DCDC2C: variants seen among roughly 807,000 people sequenced by gnomAD.
DCDC2C encodes the protein doublecortin domain containing 2C.
Under a neutral mutation model 45.0 loss-of-function variants are expected in DCDC2C, and 44 were observed. The observed-to-expected ratio is 0.98, with a 90% CI of 0.77 to 1.26. DCDC2C has a LOEUF of 1.26. DCDC2C is among the 50% of genes most tolerant of loss of function. The probability of loss-of-function intolerance (pLI) is 0.00; values close to 1 mark genes in which losing one functional copy is unlikely to be tolerated. For missense variants in DCDC2C, 447 were observed against 468.9 expected, an observed-to-expected ratio of 0.95 and a Z score of 0.43; for synonymous variants, 187 against 178.8, an observed-to-expected ratio of 1.05 and a Z score of -0.37.
At chr2:3,725,700 G>GGAAGACGAGCAGAGAGGGAGGA (rs1668646225) in intron 2 of DCDC2C, among the ~76,000 whole-genome samples, 4 of 151,166 alleles carry the variant, frequency 2.6e-5, no homozygotes, top group Non-Finnish European at 4.4e-5. Flanking sequence ...GGATCCCAGA[G>GGAAGACGAGCAGAGAGGGAGGA]GGAGATGAGC....
Position 3,818,513 on chromosome 2 carries a change from T to C in DCDC2C, c.1066-28641T>C, listed in dbSNP as rs150257988. Among the ~76,000 whole-genome samples the C allele has an allele frequency of 0.011, 1,640 of 152,234 alleles. 39 individuals carry two copies. Among genetic ancestry groups the C allele is most frequent in the African/African-American group, 0.037 (1,534 of 41,528 alleles). On this transcript the variant is annotated intron_variant, in intron 10 of 10. Transcript: ENST00000399143. The surrounding 1 kb of genome is among the most constrained non-coding windows in gnomAD (Gnocchi z 4.7). ...ATAAGGGGCAGATCCTGAACTAACA[T>C]GTAAGGCTTGTCCAGTTTTTGGACA...
rs1558573339 is a variant in DCDC2C at position 3,742,096 on chromosome 2, T to C, written c.545+48T>C. ...GACAGCCAGGGGGCGGCAGCTTGTG[T>C]TTATTCTTTCTATGAGAGTTTTCTG... On this transcript the variant is annotated intron_variant, in intron 4 of 10. Coordinates refer to ENST00000399143, the MANE Select transcript of DCDC2C (RefSeq NM_001287444.2). 8 of 1,475,984 alleles carry C rather than the reference T, an allele frequency of 5.4e-6. No homozygotes were observed. The South Asian group carries it at 1.1e-4, about 21-fold the overall frequency. The allele number at this position is 1,475,984 out of a possible 1,614,324, so 91.4% of individuals were successfully genotyped here.
intron 6 of DCDC2C, among the ~76,000 whole-genome samples, chr2:3,760,845 TAA>T (rs11385914): frequency 1.3e-5 from 2 of 149,750 alleles, no homozygotes; most frequent in East Asian, 3.9e-4. Context: ...TAAAGTAAAA[TAA>T]AAAAAAAGCC....
intron 10 of DCDC2C, among the ~76,000 whole-genome samples, chr2:3,821,868 C>T (rs1270712540): frequency 6.6e-6 from 1 of 152,164 alleles, no homozygotes; most frequent in Non-Finnish European, 1.5e-5. Context: ...CAAAATGACC[C>T]TTTAGAAGTA....
intron 8 of DCDC2C, 29 bp downstream of exon 8, chr2:3,769,440 C>T (rs779837845): frequency 4.1e-5 from 63 of 1,535,396 alleles, no homozygotes; most frequent in Middle Eastern, 1.7e-4. Context: ...ATGTCCATGC[C>T]GTCTTCACTC....
At chr2:3,739,495 A>T (rs1400021677) in intron 3 of DCDC2C, among the ~76,000 whole-genome samples, 1 of 152,220 alleles carries the variant, frequency 6.6e-6, no homozygotes, top group Non-Finnish European at 1.5e-5. Context: ...GCGGAGGAAC[A>T]CACAAGTGGC....
At chr2:3,739,423 A>G (rs1051368280) in intron 3 of DCDC2C, among the ~76,000 whole-genome samples, 11 of 152,130 alleles carry the variant, frequency 7.2e-5, no homozygotes, top group African/African-American at 2.7e-4. Flanking sequence ...CTGTGCCTAT[A>G]AAAGCTTGAG....
rs572418943 is a variant in DCDC2C at position 3,761,655 on chromosome 2, A to G, written c.727-6099A>G. ...TAAATGTTCAAAGCAGGCCTGGTTC[A>G]TTGGTAGAAGACCTTGACCCACTTG... On this transcript the variant is annotated intron_variant, in intron 6 of 10. Transcript: ENST00000399143. This position sits in a 1 kb window ranked among gnomAD's most constrained non-coding sequence, Gnocchi z 4.3. 6.6e-6 allele frequency among the ~76,000 whole-genome samples: 1 copy of G among 152,334 alleles called. No homozygotes were observed. Among genetic ancestry groups the G allele is most frequent in the South Asian group, 2.1e-4 (1 of 4,824 alleles).
intron 10 of DCDC2C, among the ~76,000 whole-genome samples, chr2:3,837,620 G>GAATACAGTATCAAGAGAGGC (rs1672113253): frequency 9.8e-6 from 1 of 102,382 alleles, no homozygotes. Flanking sequence ...AAGAAACTGA[G>GAATACAGTATCAAGAGAGGC]GAAGAAATCA....
intron 9 of DCDC2C, among the ~76,000 whole-genome samples, chr2:3,784,285 A>G (rs1449755244): frequency 1.3e-5 from 2 of 152,202 alleles, no homozygotes; most frequent in African/African-American, 4.8e-5. Context: ...GTATAAATCA[A>G]TGCAGCCCTT....
At position 3,796,448 on chromosome 2, in the gene DCDC2C, G is replaced by T. The variant is rs556734396; in HGVS notation, c.1065+11348G>T. 1.7e-3 allele frequency among the ~76,000 whole-genome samples: 198 copies of T among 114,968 alleles called. 19 individuals carry two copies. The highest frequency in any genetic ancestry group is 5.7e-3 in the African/African-American group (156 of 27,326). The allele number at this position is 114,968 out of a possible 152,430, so 75.4% of individuals were successfully genotyped here. ...GAGAGGGCATCCCTGTCTTGTGCCA[G>T]TTTTCAAAGGGAATGCTCCCAGTTT... is the stretch of plus-strand genomic sequence containing the variant. On this transcript the variant is annotated intron_variant, in intron 10 of 10. Coordinates refer to ENST00000399143, the MANE Select transcript of DCDC2C (RefSeq NM_001287444.2).
At chr2:3,821,786 G>T in intron 10 of DCDC2C, among the ~76,000 whole-genome samples, 1 of 152,182 alleles carries the variant, frequency 6.6e-6, no homozygotes, top group East Asian at 1.9e-4. Flanking sequence ...TCCTTTAATT[G>T]AAGAAAGGTA....
chr2:3,845,677 G>T (rs1007906852), intron 10 of DCDC2C, among the ~76,000 whole-genome samples: 1 of 150,726 alleles, frequency 6.6e-6, no homozygotes, highest in Non-Finnish European at 1.5e-5. Context: ...CTTTGATTTG[G>T]CTCCATTCTA....
intron 10 of DCDC2C, among the ~76,000 whole-genome samples, chr2:3,800,050 G>C (rs1671074357): frequency 6.6e-6 from 1 of 152,242 alleles, no homozygotes; most frequent in Non-Finnish European, 1.5e-5. Context: ...TCCGAGCCAG[G>C]TGCGGGATAT....
intron 1 of DCDC2C, among the ~76,000 whole-genome samples, chr2:3,706,890 C>T (rs1668077283): frequency 7.9e-5 from 12 of 152,234 alleles, no homozygotes; most frequent in Admixed American, 7.9e-4. Context: ...GAAATAACCT[C>T]TCCAAGACTT....
At chr2:3,755,708 G>A (rs1669692126) in intron 6 of DCDC2C, among the ~76,000 whole-genome samples, 1 of 151,920 alleles carries the variant, frequency 6.6e-6, no homozygotes, top group Admixed American at 6.6e-5. Flanking sequence ...TATGTTGTAT[G>A]GATATGTTGC....
Position 3,703,578 on chromosome 2 carries a change from C to CT in DCDC2C, c.-174_-173insT, listed in dbSNP as rs1379289317. 3.1e-5 allele frequency: 19 copies of CT among 603,516 alleles called. No individual in the cohort carries two copies. In the African/African-American group the frequency reaches 4.2e-4, roughly 13 times the overall value. 37.4% of individuals were successfully genotyped at this position (603,516 alleles called of 1,614,324 possible). On this transcript the variant is annotated 5_prime_UTR_variant, in exon 1 of 11. Transcript: ENST00000399143. This position sits in a 1 kb window ranked among gnomAD's most constrained non-coding sequence, Gnocchi z 4.4. ...ACGCAGCCTCCGCCCGCCTGGCAGC[C>CT]CCGTCCCGTCCCCGTCCAGCCCCCG... is the stretch of plus-strand genomic sequence containing the variant.
intron 6 of DCDC2C, among the ~76,000 whole-genome samples, chr2:3,762,264 T>C (rs1669899173): frequency 6.6e-6 from 1 of 151,706 alleles, no homozygotes; most frequent in South Asian, 2.1e-4. Flanking sequence ...CCTTGGAAAC[T>C]TGCAGGCTGG....
intron 2 of DCDC2C, among the ~76,000 whole-genome samples, chr2:3,715,390 G>A (rs1269273851): frequency 6.6e-6 from 1 of 152,260 alleles, no homozygotes; most frequent in Admixed American, 6.5e-5. Flanking sequence ...CCCAAACACT[G>A]TGTGTTATCC....
Sources: allele counts gnomAD v4.1 joint callset (sites outside exome capture counted in the v4.1 genomes callset), GRCh38; gene constraint gnomAD v4.1.1; non-coding constraint Gnocchi (gnomAD v3.1); transcripts MANE v1.5; gene names NCBI Gene and HGNC (gene_info 2026-07-23, HGNC 2026-07-21).